The following TC2N variants were observed in gnomAD, a reference collection of about 807,000 sequenced individuals.
TC2N encodes tandem C2 domains nuclear protein.
TC2N carries 51 observed loss-of-function variants against 61.9 expected under a neutral mutation model. The ratio of observed to expected loss-of-function variants is 0.82; its 90% CI spans 0.66 to 1.04. The LOEUF is 1.04. Among genes scored for constraint, TC2N ranks in the 50% least tolerant of loss-of-function variants. The probability of loss-of-function intolerance (pLI) is 0.00; values close to 1 mark genes in which losing one functional copy is unlikely to be tolerated. For missense variants in TC2N, 556 were observed against 566.7 expected, an observed-to-expected ratio of 0.98 and a Z score of 0.19; for synonymous variants, 204 against 192.6, an observed-to-expected ratio of 1.06 and a Z score of -0.49.
chr14:91,811,321 C>G (rs1475731512), intron 3 of TC2N, among the ~76,000 whole-genome samples: 1 of 151,554 alleles, frequency 6.6e-6, no homozygotes, highest in African/African-American at 2.4e-5. Context: ...ATCTTAATGG[C>G]AGAATTTATG....
intron 1 of TC2N, among the ~76,000 whole-genome samples, chr14:91,852,378 C>T (rs1025952198): frequency 4.6e-5 from 7 of 152,006 alleles, no homozygotes; most frequent in African/African-American, 9.7e-5. Flanking sequence ...TTGCGGTGAG[C>T]GGAGATCATG....
intron 1 of TC2N, among the ~76,000 whole-genome samples, chr14:91,847,307 G>A (rs182750108): frequency 8.6e-5 from 13 of 151,590 alleles, no homozygotes; most frequent in Admixed American, 2.6e-4. Context: ...GGTTTAAATC[G>A]TCCACAGTTC....
intron 1 of TC2N, among the ~76,000 whole-genome samples, chr14:91,834,444 C>T (rs116838393): frequency 0.019 from 2,893 of 152,230 alleles, 89 homozygotes; most frequent in African/African-American, 0.065. Flanking sequence ...GGTAGTCTAT[C>T]ATCCTTATTT....
intron 1 of TC2N, among the ~76,000 whole-genome samples, chr14:91,852,372 G>A (rs777469144): frequency 1.2e-4 from 18 of 152,128 alleles, no homozygotes; most frequent in Middle Eastern, 6.8e-3. Context: ...CGGAGGTTGC[G>A]GTGAGCGGAG....
chr14:91,821,451 C>CA (rs569310881), intron 1 of TC2N, among the ~76,000 whole-genome samples: 2,848 of 144,618 alleles, frequency 0.02, 32 homozygotes, highest in Non-Finnish European at 0.026. Flanking sequence ...GCCCTTCCCA[C>CA]AAAAAAAAAA....
chr14:91,833,696 G>A (rs958616517), intron 1 of TC2N, among the ~76,000 whole-genome samples: 1 of 151,974 alleles, frequency 6.6e-6, no homozygotes, highest in African/African-American at 2.4e-5. Flanking sequence ...GAATTTTATT[G>A]GGTATATGTT....
In TC2N at chr14:91,785,157, C is replaced by T; in HGVS notation, c.1362+5G>A. 2 of 1,605,764 alleles carry T rather than the reference C, an allele frequency of 1.2e-6. No individual in the cohort carries two copies. Among genetic ancestry groups the T allele is most frequent in the African/African-American group, 2.7e-5 (2 of 74,736 alleles). On this transcript the variant is annotated splice_donor_5th_base_variant and intron_variant, in intron 11 of 11. Transcript: ENST00000435962. ...ATATAAGGAAGGATAAAAACTCCTACTAACCTGGCCCACAAAGTGTTTTCT... is the reference window on the plus strand; with the variant it reads ...ATATAAGGAAGGATAAAAACTCCTATTAACCTGGCCCACAAAGTGTTTTCT...
intron 1 of TC2N, among the ~76,000 whole-genome samples, chr14:91,855,122 TG>T (rs1381800460): frequency 1.3e-5 from 2 of 151,854 alleles, no homozygotes; most frequent in African/African-American, 2.4e-5. Context: ...GAAGGATGGG[TG>T]GTTGAAGTGG....
At chr14:91,820,301 A>T (rs1296283694) in intron 1 of TC2N, among the ~76,000 whole-genome samples, 1 of 152,110 alleles carries the variant, frequency 6.6e-6, no homozygotes, top group African/African-American at 2.4e-5. Flanking sequence ...TTATCCCAGG[A>T]TTGCAAGATT....
chr14:91,831,091 C>A (rs2139894907), intron 1 of TC2N, among the ~76,000 whole-genome samples: 1 of 152,296 alleles, frequency 6.6e-6, no homozygotes, highest in Non-Finnish European at 1.5e-5. Context: ...CTTAAAGGCT[C>A]CTTTAGTCTC....
At chr14:91,861,910 G>GAA (rs1168463886) in intron 1 of TC2N, among the ~76,000 whole-genome samples, 8 of 54,978 alleles carry the variant, frequency 1.5e-4, no homozygotes, top group Non-Finnish European at 2.9e-4. Context: ...CATGTCGTTG[G>GAA]AAAATATATA....
At chr14:91,859,979 A>G (rs1477415361) in intron 1 of TC2N, among the ~76,000 whole-genome samples, 2 of 152,194 alleles carry the variant, frequency 1.3e-5, no homozygotes, top group East Asian at 1.9e-4. Context: ...GGTTTTGTCA[A>G]TCCTATTCAG....
At chr14:91,846,075 C>T (rs563318841) in intron 1 of TC2N, among the ~76,000 whole-genome samples, 1 of 152,342 alleles carries the variant, frequency 6.6e-6, no homozygotes, top group Non-Finnish European at 1.5e-5. Context: ...AAGGGATCTG[C>T]TGCTGCACCT....
At chr14:91,804,145 T>C (rs1566769212) in intron 3 of TC2N, among the ~76,000 whole-genome samples, 1 of 152,158 alleles carries the variant, frequency 6.6e-6, no homozygotes, top group Non-Finnish European at 1.5e-5. Flanking sequence ...GAAATACCAC[T>C]ACACACTCAC....
chr14:91,799,037 T>C lies in TC2N; in HGVS notation c.589A>G (p.Ser197Gly). ...GAATTTTTCCTTGAAGAAGAACTAC[T>C]GGGTACACTGGACAATGAATCATGT... The part of the protein sequence containing the change: ...QRHDSLSSVP[S>G]SSSSRKNSQG... Residue 197 changes from serine to glycine, a missense_variant, in exon 6 of 12, where the codon AGT becomes GGT. By Grantham distance (56) the Ser-to-Gly change is moderately conservative. Coordinates refer to ENST00000435962, the MANE Select transcript of TC2N (RefSeq NM_001128596.3). 2 of 1,587,804 alleles carry C rather than the reference T, an allele frequency of 1.3e-6. No individual in the cohort carries two copies. Among genetic ancestry groups the C allele is most frequent in the Non-Finnish European group, 1.7e-6 (2 of 1,170,986 alleles).
At chr14:91,852,810 C>T (rs934657165) in intron 1 of TC2N, among the ~76,000 whole-genome samples, 3 of 152,122 alleles carry the variant, frequency 2.0e-5, no homozygotes, top group South Asian at 4.1e-4. Context: ...TAGTGGCTCA[C>T]GCCTGGAATC....
intron 8 of TC2N, among the ~76,000 whole-genome samples, chr14:91,793,799 A>G (rs1885774340): frequency 6.6e-6 from 1 of 152,096 alleles, no homozygotes; most frequent in Non-Finnish European, 1.5e-5. Context: ...CCAATTAATA[A>G]CCCTAAAATG....
At chr14:91,833,963 C>T (rs1887897720) in intron 1 of TC2N, among the ~76,000 whole-genome samples, 2 of 152,124 alleles carry the variant, frequency 1.3e-5, no homozygotes, top group Admixed American at 6.5e-5. Context: ...TGAAGTGAAA[C>T]TCATTATACA....
intron 5 of TC2N, among the ~76,000 whole-genome samples, chr14:91,799,782 T>G (rs1217899968): frequency 6.6e-6 from 1 of 152,108 alleles, no homozygotes; most frequent in Non-Finnish European, 1.5e-5. Context: ...TCTTTCTACT[T>G]TGCTTACTTC....
Sources: allele counts gnomAD v4.1 joint callset (sites outside exome capture counted in the v4.1 genomes callset), GRCh38; gene constraint gnomAD v4.1.1; transcripts MANE v1.5; gene names NCBI Gene and HGNC (gene_info 2026-07-23, HGNC 2026-07-21).